SLIT2: variants seen among roughly 807,000 people sequenced by gnomAD.
SLIT2 encodes the protein slit guidance ligand 2, also known as slit homolog 2 protein.
Under a neutral mutation model 185.7 loss-of-function variants are expected in SLIT2, and 41 were observed. The ratio of observed to expected loss-of-function variants is 0.22; its 90% CI spans 0.17 to 0.29. The LOEUF (loss-of-function observed/expected upper bound fraction) is 0.29. Among genes scored for constraint, SLIT2 ranks in the 10% least tolerant of loss-of-function variants. SLIT2 has a pLI of 1.00. For missense variants in SLIT2, 1,571 were observed against 1,909.0 expected (o/e 0.82, Z 3.30); for synonymous variants, 693 against 680.2 (o/e 1.02, Z -0.29).
At chr4:20,498,794 A>G (rs528478452) in intron 9 of SLIT2, among the ~76,000 whole-genome samples, 4 of 152,248 alleles carry the variant, frequency 2.6e-5, no homozygotes, top group African/African-American at 9.6e-5. Flanking sequence ...CATATGTTCC[A>G]CATTTTCTTT....
At chr4:20,554,249 G>T (rs1412472161) in intron 26 of SLIT2, 4 of 525,050 alleles carry the variant, frequency 7.6e-6, no homozygotes, top group Non-Finnish European at 1.4e-5. Context: ...TCCTTTCATA[G>T]CCTCTAACAA....
intron 9 of SLIT2, among the ~76,000 whole-genome samples, chr4:20,494,933 G>A (rs974062737): frequency 1.2e-4 from 19 of 152,052 alleles, no homozygotes; most frequent in Non-Finnish European, 2.6e-4. Flanking sequence ...GAGTAAGAGA[G>A]GAGAAGCTCA....
intron 4 of SLIT2, among the ~76,000 whole-genome samples, chr4:20,271,633 AT>A (rs1300252660): frequency 2.0e-5 from 3 of 151,418 alleles, no homozygotes; most frequent in Non-Finnish European, 4.4e-5. Context: ...TAATGTTTCA[AT>A]TTCTTTTCTT....
rs551304591 is a variant in SLIT2, at chr4:20,422,742, G to C, written c.396-45010G>C. Among the ~76,000 whole-genome samples, 5 of 152,180 alleles carry C rather than the reference G, an allele frequency of 3.3e-5. No individual in the cohort carries two copies. The East Asian group carries it at 9.7e-4, about 29-fold the overall frequency. ...CATAAAGGTGACTTTACATCTGGGA[G>C]ATCTGAGGCAGCAACGAGGCAGGAT... On this transcript the variant is annotated intron_variant, in intron 4 of 36. Transcript: ENST00000504154.
intron 4 of SLIT2, among the ~76,000 whole-genome samples, chr4:20,448,858 G>A (rs1480031109): frequency 2.6e-5 from 4 of 151,722 alleles, no homozygotes; most frequent in Non-Finnish European, 5.9e-5. Flanking sequence ...GGATGGTCTC[G>A]ATCTCTTGAC....
chr4:20,565,397 C>G (rs572521884), intron 26 of SLIT2, among the ~76,000 whole-genome samples: 1 of 152,086 alleles, frequency 6.6e-6, no homozygotes, highest in Admixed American at 6.6e-5. Flanking sequence ...GAGCTATTTT[C>G]TTTCCTCTTG....
At chr4:20,463,490 T>TATA (rs1352686856) in intron 4 of SLIT2, among the ~76,000 whole-genome samples, 1 of 116,248 alleles carries the variant, frequency 8.6e-6, no homozygotes, top group African/African-American at 3.7e-5. Context: ...TATATATATA[T>TATA]ATGTGTGTGT....
intron 18 of SLIT2, among the ~76,000 whole-genome samples, chr4:20,535,550 A>G (rs540636782): frequency 1.5e-3 from 231 of 152,170 alleles, no homozygotes; most frequent in Non-Finnish European, 2.7e-3. Context: ...GCATGTCTTC[A>G]GGCGGCCATA....
chr4:20,618,186 T>C lies in SLIT2; in HGVS notation c.4348+536T>C, dbSNP rs572427018. ...CTTAGTTCACCTTCCTCCTTCTCCT[T>C]TGTCTGCGTGATCAGAGCTCGCCTG... On this transcript the variant is annotated intron_variant, in intron 36 of 36. Coordinates refer to ENST00000504154, the MANE Select transcript of SLIT2 (RefSeq NM_004787.4). Among the ~76,000 whole-genome samples the C allele has an allele frequency of 2.0e-5, 3 of 152,306 alleles. No individual in the cohort carries two copies. The South Asian group carries it at 6.2e-4, about 32-fold the overall frequency.
intron 2 of SLIT2, among the ~76,000 whole-genome samples, chr4:20,257,251 T>G (rs988536523): frequency 6.6e-6 from 1 of 152,104 alleles, no homozygotes; most frequent in African/African-American, 2.4e-5. Context: ...TGTGTCTTTG[T>G]AGCTTCTATA....
At chr4:20,403,164 T>C (rs1030541359) in intron 4 of SLIT2, among the ~76,000 whole-genome samples, 2 of 151,912 alleles carry the variant, frequency 1.3e-5, no homozygotes, top group African/African-American at 2.4e-5. Flanking sequence ...TATTGCTATG[T>C]CATACATTTT....
chr4:20,565,725 TAGA>T, intron 26 of SLIT2, among the ~76,000 whole-genome samples: 1 of 151,928 alleles, frequency 6.6e-6, no homozygotes, highest in East Asian at 1.9e-4. Flanking sequence ...GAGGCATCAC[TAGA>T]AGAAGTAAGC....
Position 20,253,974 on chromosome 4 carries a change from C to T in SLIT2, c.159C>T (p.Ile53=), listed in dbSNP as rs143087222. 5.6e-6 allele frequency: 9 copies of T among 1,602,936 alleles called. No homozygotes were observed. Among genetic ancestry groups the T allele is most frequent in the African/African-American group, 4.0e-5 (3 of 74,850 alleles). The change falls in exon 1 of 37, where the codon ATC becomes ATT. Residue 53 remains isoleucine, a synonymous_variant. Transcript: ENST00000504154. The part of the protein sequence containing the change: ...GLALRSVPRN[I]PRNTERLDLN... ...CGCTGCGCAGCGTGCCCAGGAATAT[C>T]CCCCGCAACACCGAGAGACTGTGAG...
chr4:20,495,649 G>C (rs1353015114), intron 9 of SLIT2, among the ~76,000 whole-genome samples: 1 of 152,116 alleles, frequency 6.6e-6, no homozygotes, highest in Non-Finnish European at 1.5e-5. Flanking sequence ...AATTGAGAAG[G>C]TGGTGTATCA....
At chr4:20,313,736 T>A (rs1718328613) in intron 4 of SLIT2, among the ~76,000 whole-genome samples, 1 of 152,098 alleles carries the variant, frequency 6.6e-6, no homozygotes, top group Non-Finnish European at 1.5e-5. Flanking sequence ...ATAAGGAGTG[T>A]GCAACCTAGA....
At chr4:20,399,681 C>G (rs949531144) in intron 4 of SLIT2, among the ~76,000 whole-genome samples, 1 of 151,636 alleles carries the variant, frequency 6.6e-6, no homozygotes, top group Non-Finnish European at 1.5e-5. Context: ...AGCTCACAGT[C>G]TGGTAGGTAA....
intron 5 of SLIT2, among the ~76,000 whole-genome samples, chr4:20,472,386 G>GAGATATAGATATCTATATAGCTATATATA (rs1560453735): frequency 2.6e-5 from 1 of 38,394 alleles, no homozygotes; most frequent in Non-Finnish European, 3.9e-5. Context: ...CTATATATAT[G>GAGATATAGATATCTATATAGCTATATATA]TAGATATATA....
At chr4:20,362,434 G>A (rs1004140091) in intron 4 of SLIT2, among the ~76,000 whole-genome samples, 13 of 151,910 alleles carry the variant, frequency 8.6e-5, no homozygotes, top group African/African-American at 2.9e-4. Flanking sequence ...GAAAGCAAAG[G>A]GACAGCTTGT....
chr4:20,472,389 G>GATCT (rs1560453769), intron 5 of SLIT2, among the ~76,000 whole-genome samples: 3 of 9,326 alleles, frequency 3.2e-4, no homozygotes, highest in African/African-American at 9.9e-4. Context: ...TATATATGTA[G>GATCT]ATATATAGAT....
Sources: gnomAD v4.1 joint callset for allele counts (sites outside exome capture counted in the v4.1 genomes callset) on GRCh38, gnomAD v4.1.1 for gene constraint, MANE v1.5 for transcripts, NCBI Gene and HGNC (gene_info 2026-07-23, HGNC 2026-07-21) for gene names.